PTPRK: variants seen among roughly 807,000 people sequenced by gnomAD.
PTPRK encodes protein tyrosine phosphatase receptor type K.
Under a neutral mutation model 178.0 loss-of-function variants are expected in PTPRK, and 75 were observed. That is an observed-to-expected ratio of 0.42 (90% CI 0.35 to 0.51). PTPRK has a LOEUF of 0.51. Ranked by LOEUF, PTPRK falls within the 20% of genes least tolerant of loss-of-function variation. The probability of loss-of-function intolerance (pLI) is 0.02; values close to 1 mark genes in which losing one functional copy is unlikely to be tolerated. For synonymous variants in PTPRK, 637 were observed against 620.6 expected (o/e 1.03, Z -0.39); for missense variants, 1,441 against 1,797.8 (o/e 0.80, Z 3.59).
intron 2 of PTPRK, among the ~76,000 whole-genome samples, chr6:128,330,935 C>T (rs190601746): frequency 1.3e-5 from 2 of 152,128 alleles, no homozygotes; most frequent in Non-Finnish European, 2.9e-5. Context: ...GTCTCAGTCT[C>T]CATGCACTGG....
At chr6:128,503,291 G>A (rs1322062917) in intron 1 of PTPRK, among the ~76,000 whole-genome samples, 4 of 152,018 alleles carry the variant, frequency 2.6e-5, no homozygotes, top group Non-Finnish European at 5.9e-5. Context: ...TACCACCATC[G>A]CTATTACTTC....
intron 7 of PTPRK, among the ~76,000 whole-genome samples, chr6:128,146,087 C>T (rs182641501): frequency 9.1e-4 from 139 of 152,222 alleles, no homozygotes; most frequent in African/African-American, 3.2e-3. Flanking sequence ...TAGAAGCAGC[C>T]CTTTCCCTAG....
intron 5 of PTPRK, chr6:128,238,169 A>T (rs1813667271): frequency 2.5e-6 from 1 of 406,472 alleles, no homozygotes; most frequent in African/African-American, 2.3e-5. Flanking sequence ...TAAATTCACC[A>T]TTCTGTAGCA....
At chr6:128,066,319 A>G (rs1781747093) in intron 12 of PTPRK, among the ~76,000 whole-genome samples, 1 of 152,182 alleles carries the variant, frequency 6.6e-6, no homozygotes, top group South Asian at 2.1e-4. Flanking sequence ...AGCATCTTCA[A>G]CCATGAGCAG....
intron 6 of PTPRK, among the ~76,000 whole-genome samples, chr6:128,199,594 AGG>A (rs1805541320): frequency 1.2e-5 from 1 of 80,902 alleles, no homozygotes; most frequent in Non-Finnish European, 2.4e-5. Context: ...GGAGGGAGGG[AGG>A]GAGGGAAAGG....
chr6:127,978,214 GGTT>G (rs777641063), intron 25 of PTPRK, among the ~76,000 whole-genome samples: 1 of 152,206 alleles, frequency 6.6e-6, no homozygotes, highest in South Asian at 2.1e-4. Context: ...AAGGCAGGAA[GGTT>G]CATGAGTCAT....
Position 128,505,650 on chromosome 6 carries a change from C to G in PTPRK, c.100+14609G>C, listed in dbSNP as rs574728579. ...CCGGTAAGAAAGTTAACAGGGATTT[C>G]TAACATCTGGAGTGCACAAGTGTTA... On this transcript the variant is annotated intron_variant, in intron 1 of 29. Transcript: ENST00000368226. Among the ~76,000 whole-genome samples, 5 of 152,182 alleles carry G rather than the reference C, an allele frequency of 3.3e-5. No individual in the cohort carries two copies. In the South Asian group the frequency reaches 1.0e-3, roughly 32 times the overall value.
intron 9 of PTPRK, among the ~76,000 whole-genome samples, chr6:128,083,183 G>A (rs541342588): frequency 2.0e-5 from 3 of 152,132 alleles, no homozygotes; most frequent in Non-Finnish European, 4.4e-5. Context: ...ACACATTTGT[G>A]TAACTTAAAT....
intron 6 of PTPRK, among the ~76,000 whole-genome samples, chr6:128,207,489 T>C (rs766581959): frequency 2.4e-4 from 37 of 152,296 alleles, no homozygotes; most frequent in Middle Eastern, 3.4e-3. Flanking sequence ...GGCTTCAAAA[T>C]TGCATTAGTA....
chr6:128,157,733 GTCT>G (rs1324917468), intron 7 of PTPRK, among the ~76,000 whole-genome samples: 2 of 152,002 alleles, frequency 1.3e-5, no homozygotes, highest in East Asian at 1.9e-4. Context: ...CTGCATAAAT[GTCT>G]TCTTTTGAGA....
chr6:128,052,839 A>G (rs1779249256), intron 13 of PTPRK, among the ~76,000 whole-genome samples: 1 of 152,108 alleles, frequency 6.6e-6, no homozygotes, highest in African/African-American at 2.4e-5. Flanking sequence ...GTTATAATCA[A>G]TCACCATCTT....
At chr6:128,433,234 T>TAGA (rs1845066509) in intron 1 of PTPRK, among the ~76,000 whole-genome samples, 1 of 152,130 alleles carries the variant, frequency 6.6e-6, no homozygotes, top group Admixed American at 6.6e-5. Context: ...TATGTTTGTA[T>TAGA]CCATCAACCA....
At position 128,404,011 on chromosome 6, in the gene PTPRK, C is replaced by G. The variant is rs368670586; in HGVS notation, c.101-6323G>C. Among the ~76,000 whole-genome samples, 79 of 152,316 alleles carry G rather than the reference C, an allele frequency of 5.2e-4. No individual in the cohort carries two copies. In the East Asian group the frequency reaches 0.012, roughly 23 times the overall value. ...CTTGAATAAAATTCTATTCACAAAA[C>G]AGGCCACAGTCTGAATTTGGCCCAA... is the stretch of plus-strand genomic sequence containing the variant. On this transcript the variant is annotated intron_variant, in intron 1 of 29. Transcript: ENST00000368226.
chr6:128,054,666 T>C (rs1264944300), intron 13 of PTPRK, among the ~76,000 whole-genome samples: 1 of 152,210 alleles, frequency 6.6e-6, no homozygotes, highest in African/African-American at 2.4e-5. Context: ...CACTTTGTCT[T>C]TTTTCCTTTG....
intron 3 of PTPRK, among the ~76,000 whole-genome samples, chr6:128,269,424 A>T (rs1416830444): frequency 6.6e-6 from 1 of 151,982 alleles, no homozygotes; most frequent in Non-Finnish European, 1.5e-5. Context: ...AGCTACATAA[A>T]TCTGCTGAAA....
At chr6:128,449,355 T>C (rs192141262) in intron 1 of PTPRK, among the ~76,000 whole-genome samples, 3 of 152,298 alleles carry the variant, frequency 2.0e-5, no homozygotes, top group Admixed American at 6.5e-5. Context: ...TCAATACCTA[T>C]ACTCATGTAT....
At chr6:128,051,405 G>A (rs1047304117) in intron 13 of PTPRK, among the ~76,000 whole-genome samples, 11 of 151,994 alleles carry the variant, frequency 7.2e-5, no homozygotes, top group East Asian at 1.9e-4. Context: ...GCTTCTATTC[G>A]CTATCTTTTT....
chr6:128,467,517 A>G (rs1007836252), intron 1 of PTPRK, among the ~76,000 whole-genome samples: 10 of 152,236 alleles, frequency 6.6e-5, no homozygotes, highest in African/African-American at 7.2e-5. Context: ...ACTTTGTCTA[A>G]GGTCACTGAT....
intron 2 of PTPRK, among the ~76,000 whole-genome samples, chr6:128,382,501 G>A (rs528653606): frequency 1.3e-4 from 19 of 149,748 alleles, no homozygotes; most frequent in East Asian, 1.0e-3. Context: ...TCTGCCTCCC[G>A]GGTTCAAGAG....
Sources: allele counts gnomAD v4.1 joint callset (sites outside exome capture counted in the v4.1 genomes callset), GRCh38; gene constraint gnomAD v4.1.1; transcripts MANE v1.5; gene names NCBI Gene and HGNC (gene_info 2026-07-23, HGNC 2026-07-21).